The following STK33 variants were observed in gnomAD, a reference collection of about 807,000 sequenced individuals.
STK33 encodes the protein serine/threonine-protein kinase 33.
Under a neutral mutation model 58.0 loss-of-function variants are expected in STK33, and 52 were observed. The observed-to-expected ratio is 0.90, with a 90% CI of 0.72 to 1.13. The LOEUF (loss-of-function observed/expected upper bound fraction) is 1.13. Among genes scored for constraint, STK33 ranks in the 50% most tolerant of loss-of-function variants. The pLI, the probability that STK33 is intolerant of heterozygous loss-of-function variation, is 0.00. For synonymous variants in STK33, 215 were observed against 200.1 expected (o/e 1.07, Z -0.63); for missense variants, 630 against 604.2 (o/e 1.04, Z -0.45).
intron 1 of STK33, among the ~76,000 whole-genome samples, chr11:8,513,621 T>A (rs911005966): frequency 2.0e-5 from 3 of 152,210 alleles, no homozygotes; most frequent in Non-Finnish European, 4.4e-5. Flanking sequence ...GCTGCTTTTT[T>A]AAATCAAAAG....
chr11:8,545,642 C>G (rs1266278325), intron 1 of STK33, among the ~76,000 whole-genome samples: 1 of 152,068 alleles, frequency 6.6e-6, no homozygotes, highest in Non-Finnish European at 1.5e-5. Context: ...GTATTAGGCA[C>G]AGTGAAAGAA....
intron 14 of STK33, among the ~76,000 whole-genome samples, chr11:8,421,119 T>C (rs376721700): frequency 6.6e-6 from 1 of 152,230 alleles, no homozygotes; most frequent in Non-Finnish European, 1.5e-5. Flanking sequence ...TCTGGTGTTG[T>C]TTTATTAACA....
chr11:8,430,767 C>T (rs1943320226), intron 14 of STK33, among the ~76,000 whole-genome samples: 1 of 152,056 alleles, frequency 6.6e-6, no homozygotes, highest in African/African-American at 2.4e-5. Flanking sequence ...CACATAGTAG[C>T]TATCCAATAA....
chr11:8,498,535 G>A, intron 1 of STK33, among the ~76,000 whole-genome samples: 1 of 152,130 alleles, frequency 6.6e-6, no homozygotes, highest in Non-Finnish European at 1.5e-5. Flanking sequence ...TAGATTCAGT[G>A]CTATCCCCAT....
chr11:8,537,305 G>A (rs12577859), intron 1 of STK33, among the ~76,000 whole-genome samples: 60,661 of 151,310 alleles, frequency 0.4, 12,385 homozygotes, highest in South Asian at 0.56. Context: ...GCCTAGGCTG[G>A]TCTGAAACCC....
chr11:8,399,767 C>G (rs1302044498), intron 15 of STK33, among the ~76,000 whole-genome samples: 1 of 151,714 alleles, frequency 6.6e-6, no homozygotes, highest in Non-Finnish European at 1.5e-5. Flanking sequence ...ATAGATGCAA[C>G]AAAAAATGAT....
At chr11:8,508,982 G>A (rs1952089188) in intron 1 of STK33, among the ~76,000 whole-genome samples, 1 of 152,078 alleles carries the variant, frequency 6.6e-6, no homozygotes, top group African/African-American at 2.4e-5. Flanking sequence ...TGTGTGTGGT[G>A]GCACACACCT....
At chr11:8,553,183 TATA>T (rs1258805414) in intron 1 of STK33, among the ~76,000 whole-genome samples, 1 of 75,830 alleles carries the variant, frequency 1.3e-5, no homozygotes, top group East Asian at 3.7e-4. Context: ...TATATATATA[TATA>T]TATATATATA....
chr11:8,538,029 A>C (rs1212938613), intron 1 of STK33, among the ~76,000 whole-genome samples: 1 of 152,042 alleles, frequency 6.6e-6, no homozygotes, highest in Non-Finnish European at 1.5e-5. Context: ...TCTACCAAAA[A>C]TACAAGAAAT....
At chr11:8,558,091 G>T (rs1396997262) in intron 1 of STK33, among the ~76,000 whole-genome samples, 2 of 152,110 alleles carry the variant, frequency 1.3e-5, no homozygotes, top group South Asian at 2.1e-4. Context: ...AGAGAAGTTG[G>T]TTTAAAATCA....
the STK33 span, among the ~76,000 whole-genome samples, chr11:8,337,501 C>A: frequency 2.0e-5 from 3 of 152,114 alleles, no homozygotes; most frequent in Non-Finnish European, 4.4e-5. Flanking sequence ...AACTCAGCAA[C>A]CCTGCCTGAG....
At chr11:8,565,410 A>G (rs1434864555) in intron 1 of STK33, among the ~76,000 whole-genome samples, 3 of 152,170 alleles carry the variant, frequency 2.0e-5, no homozygotes, top group Non-Finnish European at 4.4e-5. Flanking sequence ...TGCAGGCAGC[A>G]TAAAACTGGG....
chr11:8,352,290 C>A, the STK33 span, among the ~76,000 whole-genome samples: 211 of 152,260 alleles, frequency 1.4e-3, 1 homozygote, highest in African/African-American at 4.8e-3. Flanking sequence ...CTGATGCTAC[C>A]ATGGACAGAG....
chr11:8,457,491 T>A lies in STK33; in HGVS notation c.559-12A>T, dbSNP rs1040681099. The A allele has an allele frequency of 6.4e-7, 1 of 1,571,348 alleles. No individual in the cohort carries two copies. The highest frequency in any genetic ancestry group is 1.3e-5 in the African/African-American group (1 of 74,114). On this transcript the variant is annotated splice_polypyrimidine_tract_variant and intron_variant, in intron 8 of 15. Coordinates refer to ENST00000687296, the MANE Select transcript of STK33 (RefSeq NM_001352389.2). ...ACAAGGTACATTTTCTGACATTATA[T>A]ATATAAAAGAGAGAGAGAGCAAATT...
chr11:8,580,196 C>G (rs2029880937), intron 1 of STK33, among the ~76,000 whole-genome samples: 1 of 151,978 alleles, frequency 6.6e-6, no homozygotes, highest in African/African-American at 2.4e-5. Flanking sequence ...TTCACAATAG[C>G]CAAGATTTGG....
chr11:8,507,132 CAA>C (rs1951920626), intron 1 of STK33, among the ~76,000 whole-genome samples: 1 of 151,960 alleles, frequency 6.6e-6, no homozygotes, highest in South Asian at 2.1e-4. Context: ...ATCTGAAATA[CAA>C]AAAAAGATGA....
chr11:8,362,859 C>T, the STK33 span, among the ~76,000 whole-genome samples: 2 of 151,938 alleles, frequency 1.3e-5, no homozygotes, highest in African/African-American at 2.4e-5. Context: ...TGCCTCTCTC[C>T]CTCCCTCTCT....
At chr11:8,536,614 A>G (rs1337289936) in intron 1 of STK33, among the ~76,000 whole-genome samples, 2 of 152,236 alleles carry the variant, frequency 1.3e-5, no homozygotes, top group Non-Finnish European at 2.9e-5. Context: ...TTGTTTAACA[A>G]CTGAAGTAGA....
intron 1 of STK33, among the ~76,000 whole-genome samples, chr11:8,511,290 T>A (rs1952300180): frequency 6.6e-6 from 1 of 152,142 alleles, no homozygotes; most frequent in South Asian, 2.1e-4. Context: ...CTTAGCTTCA[T>A]CATTGTTGGT....
Sources: allele counts gnomAD v4.1 joint callset (sites outside exome capture counted in the v4.1 genomes callset), GRCh38; gene constraint gnomAD v4.1.1; transcripts MANE v1.5; gene names NCBI Gene and HGNC (gene_info 2026-07-23, HGNC 2026-07-21).